DUOX2: variants seen among roughly 807,000 people sequenced by gnomAD.
The protein encoded by DUOX2 is NADH/NADPH thyroid oxidase p138-tox.
Under a neutral mutation model 183.3 loss-of-function variants are expected in DUOX2, and 185 were observed. The ratio of observed to expected loss-of-function variants is 1.01; its 90% CI spans 0.90 to 1.14. DUOX2 has a LOEUF of 1.14. DUOX2 is among the 50% of genes most tolerant of loss of function. The pLI is 0.00. For missense variants in DUOX2, 1,999 were observed against 2,022.9 expected (o/e 0.99, Z 0.23); for synonymous variants, 788 against 812.4 (o/e 0.97, Z 0.51).
At chr15:45,110,893 G>T (rs1894375008) in intron 7 of DUOX2, among the ~76,000 whole-genome samples, 183 bp from the exon 8 acceptor site, 1 of 151,228 alleles carries the variant, frequency 6.6e-6, no homozygotes, top group South Asian at 2.1e-4. Context: ...TTGAGGGAGT[G>T]GGGGTTGGGG....
rs749710666 is a variant in DUOX2 at position 45,101,269 on chromosome 15, T to C, written c.2857A>G (p.Arg953Gly). 1 of 1,612,702 alleles carries C rather than the reference T, an allele frequency of 6.2e-7. No homozygotes were observed. The highest frequency in any genetic ancestry group is 8.5e-7 in the Non-Finnish European group (1 of 1,179,240). Residue 953 changes from arginine (R) to glycine (G), a missense_variant, in exon 22 of 34, where the codon AGA becomes GGA. Arg to Gly is a moderately radical substitution (Grantham distance 125). Transcript: ENST00000389039. ...KGGGGGGNGI[R>G]DIFKQNISCR... ...CTGATGTTTTGTTTAAAGATATCTC[T>C]AATACCTAGAGAAAAGAACAAGAGG...
Position 45,099,402 on chromosome 15 carries a change from TGG to T in DUOX2, c.3494_3495del (p.Pro1165GlnfsTer6). 2 of 1,614,004 alleles carry T rather than the reference TGG, an allele frequency of 1.2e-6. No homozygotes were observed. Among genetic ancestry groups the T allele is most frequent in the African/African-American group, 1.3e-5 (1 of 75,022 alleles). ...SPLSLLACIF[P>X]NVFVNDGSKL... ...ACTGACCCATCATTCACAAAGACGTTGGGGAATATGCAGGCCAGCAGGCTGAG... is the reference window on the plus strand; with the variant it reads ...ACTGACCCATCATTCACAAAGACGTTGGAATATGCAGGCCAGCAGGCTGAG... On this transcript the variant is annotated frameshift_variant, in exon 26 of 34. Coordinates refer to ENST00000389039, the MANE Select transcript of DUOX2 (RefSeq NM_001363711.2). LOFTEE classifies it high-confidence loss of function.
chr15:45,099,605 C>T, intron 25 of DUOX2, 57 bp downstream of exon 25: 1 of 1,602,506 alleles, frequency 6.2e-7, no homozygotes, highest in Non-Finnish European at 8.5e-7. Context: ...CCCACTGTTT[C>T]CCCCAACTAG....
intron 26 of DUOX2, 108 bp from the exon 27 acceptor site, chr15:45,098,166 G>T: frequency 9.2e-7 from 1 of 1,089,872 alleles, no homozygotes; most frequent in Admixed American, 2.0e-5. Context: ...TGAGGGTATG[G>T]GGCCTCCACC....
chr15:45,098,901 A>G (rs565539169), intron 26 of DUOX2: 49 of 194,520 alleles, frequency 2.5e-4, no homozygotes, highest in Non-Finnish European at 2.1e-4. Flanking sequence ...ATGGAGTCTC[A>G]CTTTGTTGTT....
rs2141156094 is a variant in DUOX2 at position 45,110,453 on chromosome 15, T to C, written c.1015A>G (p.Met339Val). The C allele has an allele frequency of 1.9e-6, 3 of 1,613,940 alleles. No homozygotes were observed. Among genetic ancestry groups the C allele is most frequent in the East Asian group, 2.2e-5 (1 of 44,860 alleles). ...CTCATGTAGACACCAGGGGGCACCA[T>C]GGTAGAGAAGAACTGCTCAGAGGCC... The part of the protein sequence containing the change: ...VVASEQFFST[M>V]VPPGVYMRNA... Residue 339 changes from methionine to valine, a missense_variant, in exon 9 of 34, where the codon ATG becomes GTG. By Grantham distance (21) the Met-to-Val change is conservative. Transcript: ENST00000389039.
Position 45,110,444 on chromosome 15 carries a change from G to A in DUOX2, c.1024C>T (p.Pro342Ser). Residue 342 changes from proline (P) to serine (S), a missense_variant, in exon 9 of 34, where the codon CCT (proline) becomes TCT (serine). Physicochemically the swap from Pro to Ser is moderately conservative, Grantham distance 74. Transcript: ENST00000389039. ...CTCCCTCACCTCATGTAGACACCAG[G>A]GGGCACCATGGTAGAGAAGAACTGC... Reference protein sequence around the residue: ...SEQFFSTMVPPGVYMRNASCH... With the variant: ...SEQFFSTMVPSGVYMRNASCH... 6.2e-7 allele frequency: 1 copy of A among 1,614,004 alleles called. No homozygotes were observed. The highest frequency in any genetic ancestry group is 8.5e-7 in the Non-Finnish European group (1 of 1,179,954).
chr15:45,111,877 G>A lies in DUOX2; in HGVS notation c.404C>T (p.Pro135Leu). 1 of 1,613,900 alleles carries A rather than the reference G, an allele frequency of 6.2e-7. No homozygotes were observed. Among genetic ancestry groups the A allele is most frequent in the Non-Finnish European group, 8.5e-7 (1 of 1,180,008 alleles). Residue 135 changes from proline (P) to leucine (L), a missense_variant, in exon 5 of 34, where the codon CCT becomes CTT. By Grantham distance (98) the Pro-to-Leu change is moderately conservative. Around this residue, in one of 3 missense-constraint regions of DUOX2, gnomAD observed 356 missense variants for 356.4 expected, o/e 1.00. Coordinates refer to ENST00000389039, the MANE Select transcript of DUOX2 (RefSeq NM_001363711.2). The part of the protein sequence containing the change: ...PAEFLNIRIP[P>L]GDPVFDPDQR... Reference sequence around the variant, plus strand: ...GTCGGGGTCGAACACGGGGTCTCCAGGTGGGATGCGGATGTTGAGGAACTC... The same window carrying A: ...GTCGGGGTCGAACACGGGGTCTCCAAGTGGGATGCGGATGTTGAGGAACTC...
At position 45,106,135 on chromosome 15, in the gene DUOX2, T is replaced by C. The variant is rs773744645; in HGVS notation, c.2138A>G (p.Glu713Gly). ...CRTLLLKIPK[E>G]YDLVLLFSSE... is the part of the protein sequence containing the mutation. ...CAGGACGAGCCATACCAGGTCATAC[T>C]CCTTAGGGATCTTGAGCAGCAGGGT... The change falls in exon 17 of 34, where the codon GAG (glutamate) becomes GGG (glycine). Residue 713 changes from glutamate to glycine, a missense_variant. Transcript: ENST00000389039. The C allele has an allele frequency of 7.3e-5, 118 of 1,614,060 alleles. No individual in the cohort carries two copies. The highest frequency in any genetic ancestry group is 9.4e-5 in the Non-Finnish European group (111 of 1,180,028).
Position 45,099,763 on chromosome 15 carries a change from A to G in DUOX2, c.3314T>C (p.Leu1105Pro), listed in dbSNP as rs1894018044. ...GAAAGTCTCTCGCAGGAAGGTTATG[A>G]GGTTGCGGCACATGGTGAGCAAGAT... ...SYILLTMCRN[L>P]ITFLRETFLN... Residue 1105 changes from leucine to proline, a missense_variant, in exon 25 of 34, where the codon CTC becomes CCC. Transcript: ENST00000389039. 12 of 1,614,182 alleles carry G rather than the reference A, an allele frequency of 7.4e-6. No individual in the cohort carries two copies. Among genetic ancestry groups the G allele is most frequent in the Non-Finnish European group, 1.0e-5 (12 of 1,180,034 alleles).
chr15:45,109,780 C>T lies in DUOX2; in HGVS notation c.1131+110G>A, dbSNP rs2141155472. The stretch of plus-strand genomic sequence containing the variant: ...GGATAATTTCCTCTACCCTTCATCT[C>T]CCATGAACCTGGGGCAGCAACACTC... On this transcript the variant is annotated intron_variant, in intron 10 of 33. Transcript: ENST00000389039. 5.3e-6 allele frequency: 7 copies of T among 1,333,146 alleles called. No homozygotes were observed. The South Asian group carries it at 8.2e-5, about 16-fold the overall frequency. 82.6% of individuals were successfully genotyped at this position (1,333,146 alleles called of 1,614,324 possible).
In DUOX2 at chr15:45,106,334, A is replaced by G; in HGVS notation, c.1946-7T>C. Reference sequence around the variant, plus strand: ...GGGCCTGGCCACTCCATCGCTGGGGAAGGGATAATTGGGCCGGGTAGTTCA... The same window carrying G: ...GGGCCTGGCCACTCCATCGCTGGGGGAGGGATAATTGGGCCGGGTAGTTCA... On this transcript the variant is annotated splice_polypyrimidine_tract_variant and splice_region_variant and intron_variant, in intron 16 of 33. Coordinates refer to ENST00000389039, the MANE Select transcript of DUOX2 (RefSeq NM_001363711.2). The G allele has an allele frequency of 2.5e-6, 4 of 1,613,746 alleles. No individual in the cohort carries two copies. The highest frequency in any genetic ancestry group is 3.4e-6 in the Non-Finnish European group (4 of 1,179,988).
rs762702337 is a variant in DUOX2 at position 45,099,712 on chromosome 15, G to T, written c.3365C>A (p.Ala1122Asp). ...GATCCAGCGGTGGAAGTCCACTGCGGCATCAAAAGGCACATAGCGGTTGAG... is the reference window on the plus strand; with the variant it reads ...GATCCAGCGGTGGAAGTCCACTGCGTCATCAAAAGGCACATAGCGGTTGAG... ...TFLNRYVPFDAAVDFHRWIAM... is the reference protein window; with the variant it reads ...TFLNRYVPFDDAVDFHRWIAM... Residue 1122 changes from alanine (A) to aspartate (D), a missense_variant, in exon 25 of 34, where the codon GCC becomes GAC. This residue lies in a region of DUOX2 where 1,628 missense variants were observed against 1,608.6 expected (regional missense o/e 1.01). Coordinates refer to ENST00000389039, the MANE Select transcript of DUOX2 (RefSeq NM_001363711.2). The T allele has an allele frequency of 1.9e-6, 3 of 1,614,180 alleles. No homozygotes were observed. The highest frequency in any genetic ancestry group is 2.2e-5 in the East Asian group (1 of 44,884).
At chr15:45,112,241 A>T (rs999003835) in intron 4 of DUOX2, among the ~76,000 whole-genome samples, 18 of 152,064 alleles carry the variant, frequency 1.2e-4, no homozygotes, top group African/African-American at 4.3e-4. Flanking sequence ...GGCTAGGGGG[A>T]GGTAAAATGG....
At position 45,113,283 on chromosome 15, in the gene DUOX2, C is replaced by T. The variant is rs1001930497; in HGVS notation, c.70+59G>A. ...GGGAGCCGCTTGCCGCACCTCTCCC[C>T]GCCCCACCTCCCAGGGATCCTGGGG... On this transcript the variant is annotated intron_variant, in intron 2 of 33. Transcript: ENST00000389039. 1.2e-5 allele frequency: 18 copies of T among 1,538,630 alleles called. No individual in the cohort carries two copies. In the African/African-American group the frequency reaches 2.1e-4, roughly 18 times the overall value.
rs1169274447 is a variant in DUOX2, at chr15:45,095,002, G to T, written c.4329C>A (p.Asp1443Glu). The T allele has an allele frequency of 1.2e-6, 2 of 1,614,072 alleles. No individual in the cohort carries two copies. Among genetic ancestry groups the T allele is most frequent in the African/African-American group, 2.7e-5 (2 of 74,926 alleles). ...IQEVEENDHQ[D>E]LVSVHIYVTQ... ...TGACATAAATGTGCACAGACACCAG[G>T]TCCTGGTGGTCGTTCTCCTCCACCT... Residue 1443 changes from aspartate to glutamate, a missense_variant, in exon 32 of 34, where the codon GAC (aspartate) becomes GAA (glutamate). Coordinates refer to ENST00000389039, the MANE Select transcript of DUOX2 (RefSeq NM_001363711.2).
At chr15:45,113,557 C>T in intron 1 of DUOX2, 132 bp from the exon 2 acceptor site, 1 of 734,716 alleles carries the variant, frequency 1.4e-6, no homozygotes, top group Non-Finnish European at 2.3e-6. Flanking sequence ...TGGAAGGTAG[C>T]TGTTAGAAGC....
rs269866 is a variant in DUOX2, at chr15:45,102,208, G to A, written c.2655-219C>T. On this transcript the variant is annotated intron_variant, in intron 20 of 33. Transcript: ENST00000389039. The stretch of plus-strand genomic sequence containing the variant: ...AATTGAAAGTGACCTTGACCAATCA[G>A]AGAAAGCAGCCCTCAAACAGGGGGC... 0.5 allele frequency among the ~76,000 whole-genome samples: 76,808 copies of A among 152,126 alleles called. 23,235 individuals carry two copies. Among genetic ancestry groups the A allele is most frequent in the East Asian group, 0.9 (4,643 of 5,176 alleles).
intron 11 of DUOX2, 166 bp downstream of exon 11, chr15:45,109,353 CAAAAA>C: frequency 1.8e-6 from 1 of 570,414 alleles, no homozygotes. Flanking sequence ...GTAAATTAAG[CAAAAA>C]AAAAAAAAAA....
Sources: allele counts gnomAD v4.1 joint callset (sites outside exome capture counted in the v4.1 genomes callset), GRCh38; gene constraint gnomAD v4.1.1; regional missense constraint gnomAD v4.1.1; transcripts MANE v1.5; gene names NCBI Gene and HGNC (gene_info 2026-07-23, HGNC 2026-07-21).